ARNT2: variants seen among roughly 807,000 people sequenced by gnomAD.
ARNT2 encodes the protein ARNT protein 2.
ARNT2 carries 36 observed loss-of-function variants against 91.7 expected under a neutral mutation model. That is an observed-to-expected ratio of 0.39 (90% CI 0.30 to 0.52). ARNT2 has a LOEUF of 0.52. Ranked by LOEUF, ARNT2 falls within the 20% of genes least tolerant of loss-of-function variation. The probability of loss-of-function intolerance (pLI) is 0.72; values close to 1 mark genes in which losing one functional copy is unlikely to be tolerated. For synonymous variants in ARNT2, 365 were observed against 347.1 expected (o/e 1.05, Z -0.57); for missense variants, 775 against 939.3 (o/e 0.83, Z 2.29).
intron 5 of ARNT2, among the ~76,000 whole-genome samples, chr15:80,496,497 TAGTGGATAAATA>T (rs1208643691): frequency 4.6e-5 from 7 of 152,188 alleles, no homozygotes; most frequent in African/African-American, 9.7e-5. Context: ...TCTGAATTAG[TAGTGGATAAATA>T]AGTGGATAAA....
chr15:80,486,728 G>C (rs1268504653), intron 5 of ARNT2, among the ~76,000 whole-genome samples: 1 of 152,200 alleles, frequency 6.6e-6, no homozygotes, highest in Non-Finnish European at 1.5e-5. Flanking sequence ...ATTGTGCCCT[G>C]CTGGGGGATA....
intron 1 of ARNT2, among the ~76,000 whole-genome samples, chr15:80,409,181 A>G (rs1469783239): frequency 6.6e-6 from 1 of 152,216 alleles, no homozygotes; most frequent in Admixed American, 6.5e-5. Context: ...CCGTTATAAT[A>G]TCATGCAGAG....
chr15:80,413,005 A>G (rs748308818), intron 1 of ARNT2, among the ~76,000 whole-genome samples: 7 of 152,176 alleles, frequency 4.6e-5, no homozygotes, highest in Non-Finnish European at 8.8e-5. Flanking sequence ...TGGAACTCAG[A>G]TCATCTACTG....
intron 5 of ARNT2, among the ~76,000 whole-genome samples, chr15:80,503,005 G>A (rs1343824766): frequency 1.4e-4 from 22 of 152,216 alleles, no homozygotes; most frequent in Admixed American, 1.4e-3. Context: ...ATTCTAGAAG[G>A]AGCCAGCCTT....
At chr15:80,465,440 A>G (rs1896640190) in intron 3 of ARNT2, among the ~76,000 whole-genome samples, 1 of 152,158 alleles carries the variant, frequency 6.6e-6, no homozygotes, top group Non-Finnish European at 1.5e-5. Context: ...AGGAGGTAGA[A>G]ATGGAAGCTG....
intron 5 of ARNT2, among the ~76,000 whole-genome samples, chr15:80,486,892 G>A (rs145263252): frequency 7.2e-5 from 11 of 152,302 alleles, no homozygotes; most frequent in Non-Finnish European, 1.5e-4. Flanking sequence ...AGATGTGAAC[G>A]TGGTTACAGG....
chr15:80,504,689 G>A (rs1566988986), intron 5 of ARNT2, among the ~76,000 whole-genome samples: 1 of 151,954 alleles, frequency 6.6e-6, no homozygotes, highest in Non-Finnish European at 1.5e-5. Flanking sequence ...GATTGCTTGA[G>A]CCTCAGAGGT....
intron 12 of ARNT2, among the ~76,000 whole-genome samples, chr15:80,566,174 C>T (rs1013475970): frequency 3.9e-5 from 6 of 152,284 alleles, no homozygotes; most frequent in South Asian, 2.1e-4. Context: ...CCCTTTGCAG[C>T]GACTTGGCAG....
At chr15:80,574,431 G>A (rs1898633914) in intron 13 of ARNT2, among the ~76,000 whole-genome samples, 1 of 152,190 alleles carries the variant, frequency 6.6e-6, no homozygotes, top group Non-Finnish European at 1.5e-5. Context: ...TGAGTACCAG[G>A]TGAAGAACCA....
At chr15:80,577,725 CAGAG>C (rs1169064140) in intron 15 of ARNT2, among the ~76,000 whole-genome samples, 2 of 152,216 alleles carry the variant, frequency 1.3e-5, no homozygotes, top group Non-Finnish European at 2.9e-5. Context: ...GCCGGCCACC[CAGAG>C]AGAGGCCCCT....
chr15:80,542,125 A>G lies in ARNT2; in HGVS notation c.878-9074A>G, dbSNP rs543915054. Among the ~76,000 whole-genome samples the G allele has an allele frequency of 2.6e-5, 4 of 152,336 alleles. No homozygotes were observed. In the South Asian group the frequency reaches 8.3e-4, roughly 32 times the overall value. ...GTTAATGAATTTGAATTTACTGAAG[A>G]CATTCTGGAAATTTTACATACACAC... On this transcript the variant is annotated intron_variant, in intron 8 of 18. Coordinates refer to ENST00000303329, the MANE Select transcript of ARNT2 (RefSeq NM_014862.4).
chr15:80,486,702 A>G (rs1160815787), intron 5 of ARNT2, among the ~76,000 whole-genome samples: 1 of 152,214 alleles, frequency 6.6e-6, no homozygotes, highest in African/African-American at 2.4e-5. Flanking sequence ...ACTTGGGTGC[A>G]ATGCAGAATG....
At chr15:80,521,346 C>T (rs1266123481) in intron 8 of ARNT2, among the ~76,000 whole-genome samples, 7 of 151,836 alleles carry the variant, frequency 4.6e-5, no homozygotes, top group Non-Finnish European at 8.8e-5. Flanking sequence ...AATTAAAAAT[C>T]AGACTATAAA....
At chr15:80,503,973 A>G (rs945238375) in intron 5 of ARNT2, among the ~76,000 whole-genome samples, 5 of 152,222 alleles carry the variant, frequency 3.3e-5, no homozygotes, top group African/African-American at 7.2e-5. Context: ...GTCCTAGACC[A>G]TGTGTGCAGG....
chr15:80,589,601 A>G (rs1893237778), intron 17 of ARNT2, among the ~76,000 whole-genome samples: 1 of 152,146 alleles, frequency 6.6e-6, no homozygotes, highest in African/African-American at 2.4e-5. Context: ...ACATGGACCC[A>G]CTGAAGGCCC....
chr15:80,437,263 G>T (rs952934960), intron 1 of ARNT2, among the ~76,000 whole-genome samples: 2 of 152,096 alleles, frequency 1.3e-5, no homozygotes, highest in African/African-American at 2.4e-5. Context: ...GTTACCTCTT[G>T]CCCCGACTTC....
chr15:80,483,102 A>G (rs953474460), intron 5 of ARNT2, among the ~76,000 whole-genome samples: 2 of 152,188 alleles, frequency 1.3e-5, no homozygotes, highest in Admixed American at 6.5e-5. Flanking sequence ...AACCCTGGTA[A>G]AATCTGTTAA....
chr15:80,500,683 A>G (rs902714598), intron 5 of ARNT2, among the ~76,000 whole-genome samples: 13 of 152,230 alleles, frequency 8.5e-5, no homozygotes, highest in African/African-American at 2.4e-4. Context: ...TGGAATCTTT[A>G]TATCTTCTGA....
At chr15:80,412,178 A>G (rs949285469) in intron 1 of ARNT2, among the ~76,000 whole-genome samples, 9 of 152,120 alleles carry the variant, frequency 5.9e-5, no homozygotes, top group Non-Finnish European at 8.8e-5. Context: ...CAATTTGACC[A>G]TTTTTTTCAG....
Sources: allele counts gnomAD v4.1 joint callset (sites outside exome capture counted in the v4.1 genomes callset), GRCh38; gene constraint gnomAD v4.1.1; transcripts MANE v1.5; gene names NCBI Gene and HGNC (gene_info 2026-07-23, HGNC 2026-07-21).